Variants in ALK observed in about 807,000 individuals in gnomAD.
ALK encodes ALK receptor tyrosine kinase, also known as ALK tyrosine kinase receptor.
Under a neutral mutation model 163.1 loss-of-function variants are expected in ALK, and 74 were observed. The ratio of observed to expected loss-of-function variants is 0.45; its 90% CI spans 0.38 to 0.55. The LOEUF (loss-of-function observed/expected upper bound fraction) is 0.55, where lower values mean the gene tolerates loss of function less well. Ranked by LOEUF, ALK falls within the 20% of genes least tolerant of loss-of-function variation. ALK has a pLI of 0.00. For synonymous variants in ALK, 960 were observed against 843.2 expected, an observed-to-expected ratio of 1.14 and a Z score of -2.40; for missense variants, 2,063 against 2,105.3, an observed-to-expected ratio of 0.98 and a Z score of 0.39.
chr2:29,370,278 G>T (rs1668608398), intron 5 of ALK, among the ~76,000 whole-genome samples: 1 of 152,186 alleles, frequency 6.6e-6, no homozygotes. Flanking sequence ...TGTGCAGAGG[G>T]CTTGTTCCCT....
intron 1 of ALK, among the ~76,000 whole-genome samples, chr2:29,855,254 T>A (rs917282684): frequency 6.6e-6 from 1 of 152,188 alleles, no homozygotes; most frequent in Non-Finnish European, 1.5e-5. Context: ...TATTATTATT[T>A]TTTCCTTTCT....
chr2:29,347,158 G>A (rs776371829), intron 5 of ALK, among the ~76,000 whole-genome samples: 10 of 152,202 alleles, frequency 6.6e-5, no homozygotes, highest in African/African-American at 2.2e-4. Context: ...ACTGGCTCAA[G>A]GTCACATGGG....
chr2:29,793,620 C>T (rs1374505702), intron 1 of ALK, among the ~76,000 whole-genome samples: 2 of 151,600 alleles, frequency 1.3e-5, no homozygotes, highest in Non-Finnish European at 1.5e-5. Context: ...AGAAAGGATG[C>T]TGTGTTAGTA....
chr2:29,236,282 G>A (rs536194158), intron 13 of ALK, among the ~76,000 whole-genome samples: 11 of 152,064 alleles, frequency 7.2e-5, no homozygotes, highest in South Asian at 4.2e-4. Flanking sequence ...GGTCCACCCC[G>A]TCGGCCTCTG....
chr2:29,237,714 AT>A (rs66544309), intron 13 of ALK, among the ~76,000 whole-genome samples: 4,129 of 152,214 alleles, frequency 0.027, 164 homozygotes, highest in African/African-American at 0.093. Context: ...TCTTCACAAT[AT>A]TTGCCTTGCA....
chr2:29,510,274 T>G (rs1279719989), intron 4 of ALK, among the ~76,000 whole-genome samples: 2 of 152,228 alleles, frequency 1.3e-5, no homozygotes, highest in African/African-American at 4.8e-5. Flanking sequence ...TTGGCATTCT[T>G]AAGTCCCCTT....
intron 1 of ALK, among the ~76,000 whole-genome samples, chr2:29,787,562 G>C (rs981421957): frequency 6.6e-6 from 1 of 152,222 alleles, no homozygotes; most frequent in African/African-American, 2.4e-5. Context: ...CGTATGCATA[G>C]GGAAAGAGAG....
intron 3 of ALK, among the ~76,000 whole-genome samples, chr2:29,607,282 G>A (rs907048852): frequency 5.3e-5 from 8 of 152,018 alleles, no homozygotes; most frequent in African/African-American, 4.8e-5. Flanking sequence ...GAACTGCAGC[G>A]GGCAGAGGAT....
intron 3 of ALK, among the ~76,000 whole-genome samples, chr2:29,555,606 G>T (rs1031048712): frequency 6.6e-6 from 1 of 152,086 alleles, no homozygotes; most frequent in Admixed American, 6.6e-5. Context: ...TAATGAATAT[G>T]ATTTATATTG....
intron 5 of ALK, among the ~76,000 whole-genome samples, chr2:29,335,843 C>T (rs900151568): frequency 9.2e-5 from 14 of 152,030 alleles, no homozygotes; most frequent in African/African-American, 3.1e-4. Flanking sequence ...AGTTCAAGAC[C>T]AGCCTGACCA....
chr2:29,682,803 A>G (rs893167053), intron 3 of ALK, among the ~76,000 whole-genome samples: 44 of 152,182 alleles, frequency 2.9e-4, no homozygotes, highest in Admixed American at 2.6e-3. Context: ...CACCATTCTT[A>G]GCAAAATATT....
chr2:29,455,621 T>C (rs975340061), intron 4 of ALK, among the ~76,000 whole-genome samples: 3 of 152,276 alleles, frequency 2.0e-5, no homozygotes, highest in East Asian at 1.9e-4. Context: ...AATGATCTAA[T>C]TGGCTGCAGA....
rs146941732 is a variant in ALK, at chr2:29,297,151, G to T, written c.1648-94C>A. On this transcript the variant is annotated intron_variant, in intron 8 of 28. Transcript: ENST00000389048. ...CTGAAGTTTCAAGGACCTTATAAGA[G>T]ACTCAGCTGAGTTCAGCCTGGTGAG... 253 of 1,467,202 alleles carry T rather than the reference G, an allele frequency of 1.7e-4. 3 individuals carry two copies. The African/African-American group carries it at 3.3e-3, about 19-fold the overall frequency. 90.9% of individuals were successfully genotyped at this position (1,467,202 alleles called of 1,614,324 possible). A position where few individuals can be genotyped will look rare whatever the true frequency, so the allele number is the denominator to read the frequency against.
intron 6 of ALK, among the ~76,000 whole-genome samples, chr2:29,322,995 C>A (rs753507735): frequency 2.0e-5 from 3 of 152,172 alleles, no homozygotes; most frequent in South Asian, 4.1e-4. Flanking sequence ...AGGGAGAGAA[C>A]TGAGCCTGGA....
chr2:29,791,519 C>T (rs148306124), intron 1 of ALK, among the ~76,000 whole-genome samples: 4,510 of 152,158 alleles, frequency 0.03, 79 homozygotes, highest in East Asian at 0.078. Flanking sequence ...AGGATAAATA[C>T]CTAATGTAGA....
At chr2:29,701,383 G>C (rs1407634851) in intron 2 of ALK, among the ~76,000 whole-genome samples, 1 of 152,160 alleles carries the variant, frequency 6.6e-6, no homozygotes, top group Non-Finnish European at 1.5e-5. Context: ...GTGAATGTAG[G>C]GTGGCAGGGC....
At chr2:29,713,685 C>A (rs1679169687) in intron 2 of ALK, among the ~76,000 whole-genome samples, 1 of 152,162 alleles carries the variant, frequency 6.6e-6, no homozygotes, top group African/African-American at 2.4e-5. Context: ...TAATGGCTCA[C>A]CTACTCCGTA....
chr2:29,438,961 C>A (rs1670470440), intron 4 of ALK, among the ~76,000 whole-genome samples: 2 of 152,164 alleles, frequency 1.3e-5, no homozygotes, highest in African/African-American at 4.8e-5. Context: ...TTGGCTATCT[C>A]CAGACCAGCC....
At chr2:29,346,956 C>T (rs567072709) in intron 5 of ALK, among the ~76,000 whole-genome samples, 92 of 152,278 alleles carry the variant, frequency 6.0e-4, no homozygotes, top group Non-Finnish European at 1.1e-3. Context: ...AATCCTTACC[C>T]GATGGTCAGA....
Sources: allele counts gnomAD v4.1 joint callset (sites outside exome capture counted in the v4.1 genomes callset), GRCh38; gene constraint gnomAD v4.1.1; transcripts MANE v1.5; gene names NCBI Gene and HGNC (gene_info 2026-07-23, HGNC 2026-07-21).